Variants in SLC27A5 observed in about 807,000 individuals in gnomAD.
SLC27A5 encodes the protein solute carrier family 27 member 5.
Under a neutral mutation model 63.1 loss-of-function variants are expected in SLC27A5, and 47 were observed. The ratio of observed to expected loss-of-function variants is 0.74; its 90% CI spans 0.59 to 0.95. The LOEUF (loss-of-function observed/expected upper bound fraction) is 0.95. SLC27A5 is among the 40% of genes least tolerant of loss of function. The probability of loss-of-function intolerance (pLI) is 0.00; values close to 1 mark genes in which losing one functional copy is unlikely to be tolerated. For missense variants in SLC27A5, 940 were observed against 921.0 expected, an observed-to-expected ratio of 1.02 and a Z score of -0.27; for synonymous variants, 391 against 403.8, an observed-to-expected ratio of 0.97 and a Z score of 0.38.
rs2053419308 is a variant in SLC27A5 at position 58,511,912 on chromosome 19, A to G, written c.44T>C (p.Leu15Pro). The G allele has an allele frequency of 3.3e-6, 5 of 1,537,680 alleles. No homozygotes were observed. Among genetic ancestry groups the G allele is most frequent in the Non-Finnish European group, 4.4e-6 (5 of 1,141,774 alleles). Residue 15 changes from leucine (L) to proline (P), a missense_variant, in exon 1 of 10, where the codon CTC becomes CCC. By Grantham distance (98) the Leu-to-Pro change is moderately conservative. Transcript: ENST00000263093. Reference protein sequence around the residue: ...QQLALLLLLLLLLWGLGQPVW... With the variant: ...QQLALLLLLLPLLWGLGQPVW... ...TGGCTGCCCCAGGCCCCAGAGCAGG[A>G]GCAGCAGCAGCAGCAGCAAGGCCAA...
chr19:58,510,160 C>T (rs2053393838), intron 2 of SLC27A5, 155 bp from the exon 3 acceptor site: 1 of 650,256 alleles, frequency 1.5e-6, no homozygotes, highest in Non-Finnish European at 2.5e-6. Flanking sequence ...GGTTCACAGG[C>T]TGAATTTGGA....
At chr19:58,499,095 G>A (rs1397089889) in intron 8 of SLC27A5, 28 bp downstream of exon 8, 4 of 1,612,418 alleles carry the variant, frequency 2.5e-6, no homozygotes, top group Middle Eastern at 1.6e-4. Context: ...CAAAGCTGTT[G>A]GAAGTTTAAA....
rs2053393497 is a variant in SLC27A5, at chr19:58,510,134, T to C, written c.899-129A>G. On this transcript the variant is annotated intron_variant, in intron 2 of 9. Coordinates refer to ENST00000263093, the MANE Select transcript of SLC27A5 (RefSeq NM_012254.3). ...GAGGCTCTCAGAGAACAGTCAAGTATAGGGATTTGTGGTTGGGTTCACAGG... is the reference window on the plus strand; with the variant it reads ...GAGGCTCTCAGAGAACAGTCAAGTACAGGGATTTGTGGTTGGGTTCACAGG... The C allele has an allele frequency of 3.3e-6, 3 of 911,932 alleles. 1 individual carries two copies. Among genetic ancestry groups the C allele is most frequent in the South Asian group, 3.7e-5 (2 of 53,804 alleles). 56.5% of individuals were successfully genotyped at this position (911,932 alleles called of 1,614,324 possible).
At chr19:58,508,188 G>C (rs368325903) in intron 3 of SLC27A5, 2 of 152,154 alleles carry the variant, frequency 1.3e-5, no homozygotes, top group African/African-American at 2.4e-5. Flanking sequence ...ACCCCCGGAG[G>C]CCCAGCTGTC....
At chr19:58,505,843 C>T (rs1171501107) in intron 3 of SLC27A5, among the ~76,000 whole-genome samples, 1 of 122,342 alleles carries the variant, frequency 8.2e-6, no homozygotes, top group Non-Finnish European at 1.7e-5. Flanking sequence ...AGTGAAACCC[C>T]GACTCAAAAA....
intron 3 of SLC27A5, among the ~76,000 whole-genome samples, chr19:58,504,370 T>G (rs1052298599): frequency 1.3e-5 from 2 of 152,136 alleles, no homozygotes; most frequent in African/African-American, 4.8e-5. Flanking sequence ...GGGAAGTGGC[T>G]GGGCACGGTG....
chr19:58,510,836 C>A lies in SLC27A5; in HGVS notation c.783G>T (p.Val261=). 1 of 1,613,300 alleles carries A rather than the reference C, an allele frequency of 6.2e-7. No individual in the cohort carries two copies. The highest frequency in any genetic ancestry group is 8.5e-7 in the Non-Finnish European group (1 of 1,179,772). Residue 261 remains valine (V), a synonymous_variant, in exon 2 of 10, where the codon GTG becomes GTT. Transcript: ENST00000263093. ...CATCCAGGGCAGCCCCCAGAGCCCC[C>A]ACCCCTGGTGTAGGGGAGGTATGGC... ...YLSHTSPTPG[V]GALGAALDAA...
At position 58,499,565 on chromosome 19, in the gene SLC27A5, T is replaced by A; in HGVS notation, c.1594A>T (p.Asn532Tyr). 1 of 1,612,812 alleles carries A rather than the reference T, an allele frequency of 6.2e-7. No homozygotes were observed. The highest frequency in any genetic ancestry group is 8.5e-7 in the Non-Finnish European group (1 of 1,179,950). ...TCCATGGCCAGTACGTCCCCGGTGT[T>A]GTAGTAAACGTCGCCCGATTGCCGC... Reference protein sequence around the residue: ...NVRQSGDVYYNTGDVLAMDRE... With the variant: ...NVRQSGDVYYYTGDVLAMDRE... The change falls in exon 7 of 10, where the codon AAC (asparagine) becomes TAC (tyrosine). Residue 532 changes from asparagine (N) to tyrosine (Y), a missense_variant. Asn to Tyr is a moderately radical substitution (Grantham distance 143). Coordinates refer to ENST00000263093, the MANE Select transcript of SLC27A5 (RefSeq NM_012254.3).
intron 3 of SLC27A5, chr19:58,509,526 C>A: frequency 3.8e-6 from 1 of 260,474 alleles, no homozygotes; most frequent in Non-Finnish European, 7.3e-6. Flanking sequence ...AGCACTCCTA[C>A]TCCAGCTGCC....
chr19:58,506,649 CTTTT>C (rs377249164), intron 3 of SLC27A5, among the ~76,000 whole-genome samples: 1 of 141,962 alleles, frequency 7.0e-6, no homozygotes, highest in Admixed American at 7.1e-5. Context: ...ACTATTTTCA[CTTTT>C]TTTTTTTTTT....
Position 58,510,751 on chromosome 19 carries a change from C to T in SLC27A5, c.868G>A (p.Ala290Thr), listed in dbSNP as rs367559235. 1.9e-6 allele frequency: 3 copies of T among 1,612,542 alleles called. No individual in the cohort carries two copies. The highest frequency in any genetic ancestry group is 1.7e-6 in the Non-Finnish European group (2 of 1,179,450). The change falls in exon 2 of 10, where the codon GCC (alanine) becomes ACC (threonine). Residue 290 changes from alanine to threonine, a missense_variant. Transcript: ENST00000263093. ...LRAGITWRSP[A>T]LFIYTSGTTG... ...GTCCCCGAGGTATAGATGAAGAGGG[C>T]AGGGCTTCTCCATGTGATCCCAGCA...
chr19:58,500,565 C>G lies in SLC27A5; in HGVS notation c.1324G>C (p.Val442Leu), dbSNP rs2053263051. ...GCCCCGCAGCGCCCCACATAGTTGA[C>G]TAAGCCCATGTTGCCTTCTGTGGAG... ...YGSTEGNMGL[V>L]NYVGRCGALG... Residue 442 changes from valine (V) to leucine (L), a missense_variant, in exon 5 of 10, where the codon GTC (valine) becomes CTC (leucine). Physicochemically the swap from Val to Leu is conservative, Grantham distance 32 (BLOSUM62 1). Coordinates refer to ENST00000263093, the MANE Select transcript of SLC27A5 (RefSeq NM_012254.3). 6.2e-7 allele frequency: 1 copy of G among 1,614,054 alleles called. No individual in the cohort carries two copies. Among genetic ancestry groups the G allele is most frequent in the African/African-American group, 1.3e-5 (1 of 74,918 alleles).
At chr19:58,502,940 G>GC (rs201350843) in intron 3 of SLC27A5, among the ~76,000 whole-genome samples, 151,716 of 151,852 alleles carry the variant, frequency 1, 75,790 homozygotes, top group East Asian at 1. Flanking sequence ...GGTGAGGATC[G>GC]TCACGCCTGT....
rs763151418 is a variant in SLC27A5 at position 58,511,444 on chromosome 19, G to C, written c.512C>G (p.Ala171Gly). 2.3e-5 allele frequency: 36 copies of C among 1,599,952 alleles called. No individual in the cohort carries two copies. In the African/African-American group the frequency reaches 3.3e-4, roughly 15 times the overall value. The change falls in exon 1 of 10, where the codon GCC becomes GGC. Residue 171 changes from alanine to glycine, a missense_variant. By Grantham distance (60) the Ala-to-Gly change is moderately conservative. Coordinates refer to ENST00000263093, the MANE Select transcript of SLC27A5 (RefSeq NM_012254.3). ...AELGDPASLC[A>G]GEPTALLVLA... ...CACAAGGAGGGCAGTAGGCTCCCCGGCACACAGGCTCGCAGGGTCACCCAG... is the reference window on the plus strand; with the variant it reads ...CACAAGGAGGGCAGTAGGCTCCCCGCCACACAGGCTCGCAGGGTCACCCAG...
At chr19:58,510,044 G>C (rs753044243) in intron 2 of SLC27A5, 39 bp from the exon 3 acceptor site, 1 of 1,598,448 alleles carries the variant, frequency 6.3e-7, no homozygotes, top group South Asian at 1.1e-5. Flanking sequence ...GTGGTGACAT[G>C]ACAGCACAGA....
rs1211950548 is a variant in SLC27A5 at position 58,510,728 on chromosome 19, C to A, written c.891G>T (p.Gly297=). 6.2e-7 allele frequency: 1 copy of A among 1,605,472 alleles called. No individual in the cohort carries two copies. Among genetic ancestry groups the A allele is most frequent in the East Asian group, 2.2e-5 (1 of 44,672 alleles). Residue 297 remains glycine (G), a synonymous_variant, in exon 2 of 10, where the codon GGG becomes GGT. Coordinates refer to ENST00000263093, the MANE Select transcript of SLC27A5 (RefSeq NM_012254.3). ...RSPALFIYTS[G]TTGLPKPAIL... ...GCTAATGGGCACCCTCACCAGTGGT[C>A]CCCGAGGTATAGATGAAGAGGGCAG...
At position 58,498,516 on chromosome 19, in the gene SLC27A5, C is replaced by T. The variant is rs373407100; in HGVS notation, c.2072G>A (p.Ter691=). ...TACCCCAGTGGGTTGGCCAGGTGAT[C>T]AGAGCCTCCAGGTTCCCTCACACAC... The part of the protein sequence containing the change: ...QAVCEGTWRL[*] Residue 691 remains the stop codon, a stop_retained_variant, in exon 10 of 10, where the codon TGA becomes TAA. Coordinates refer to ENST00000263093, the MANE Select transcript of SLC27A5 (RefSeq NM_012254.3). 6.2e-7 allele frequency: 1 copy of T among 1,608,454 alleles called. No homozygotes were observed. The highest frequency in any genetic ancestry group is 8.5e-7 in the Non-Finnish European group (1 of 1,176,314).
rs1453591395 is a variant in SLC27A5 at position 58,500,594 on chromosome 19, T to C, written c.1295A>G (p.Tyr432Cys). The C allele has an allele frequency of 2.5e-6, 4 of 1,614,096 alleles. No homozygotes were observed. The highest frequency in any genetic ancestry group is 3.3e-5 in the Admixed American group (2 of 59,998). ...GCCCATGTTGCCTTCTGTGGAGCCGTAGACTTCCCAGATCCGAATAGGACC... is the reference window on the plus strand; with the variant it reads ...GCCCATGTTGCCTTCTGTGGAGCCGCAGACTTCCCAGATCCGAATAGGACC... ...RFGPIRIWEV[Y>C]GSTEGNMGLV... The change falls in exon 5 of 10, where the codon TAC becomes TGC. Residue 432 changes from tyrosine to cysteine, a missense_variant. Tyr to Cys is a radical substitution (Grantham distance 194, BLOSUM62 -2). Transcript: ENST00000263093.
chr19:58,505,803 G>C lies in SLC27A5; in HGVS notation c.1057+4044C>G, dbSNP rs142473045. ...GCAGAGGTTGCAGTGAGCCGACATC[G>C]CGCCATTGCATTCCATCCTGGGCAA... On this transcript the variant is annotated intron_variant, in intron 3 of 9. Transcript: ENST00000263093. Among the ~76,000 whole-genome samples, 1,308 of 142,964 alleles carry C rather than the reference G, an allele frequency of 9.1e-3. 7 individuals carry two copies. The highest frequency in any genetic ancestry group is 0.014 in the Non-Finnish European group (922 of 66,414). 93.8% of individuals were successfully genotyped at this position (142,964 alleles called of 152,430 possible). A position where few individuals can be genotyped will look rare whatever the true frequency, so the allele number is the denominator to read the frequency against.
Sources: gnomAD v4.1 joint callset for allele counts (sites outside exome capture counted in the v4.1 genomes callset) on GRCh38, gnomAD v4.1.1 for gene constraint, MANE v1.5 for transcripts, NCBI Gene and HGNC (gene_info 2026-07-23, HGNC 2026-07-21) for gene names.